OTUD5: variants seen among roughly 807,000 people sequenced by gnomAD.
OTUD5 encodes OTU domain-containing protein 5.
Under a neutral mutation model 36.3 loss-of-function variants are expected in OTUD5, and 2 were observed. The ratio of observed to expected loss-of-function variants is 0.06; its 90% CI spans 0.02 to 0.17. The LOEUF (loss-of-function observed/expected upper bound fraction) is 0.17. Ranked by LOEUF, OTUD5 falls within the 10% of genes least tolerant of loss-of-function variation. The pLI is 1.00. For synonymous variants in OTUD5, 234 were observed against 214.9 expected (o/e 1.09, Z -0.78); for missense variants, 233 against 512.3 (o/e 0.45, Z 5.26).
At chrX:48,947,705 AG>A (rs2064056057) in intron 1 of OTUD5, among the ~76,000 whole-genome samples, 1 of 107,790 alleles carries the variant, frequency 9.3e-6, no homozygotes, top group Non-Finnish European at 1.9e-5. Flanking sequence ...CTCTGTCTCA[AG>A]GAAAAAAAAA....
At chrX:48,929,716 T>C (rs1216181419) in intron 5 of OTUD5, among the ~76,000 whole-genome samples, 6 of 110,651 alleles carry the variant, frequency 5.4e-5, no homozygotes, top group Non-Finnish European at 1.1e-4. Flanking sequence ...AGTGAGACTC[T>C]GTCTCAAAAA....
intron 2 of OTUD5, among the ~76,000 whole-genome samples, chrX:48,935,394 G>A (rs1386789306): frequency 9.0e-6 from 1 of 111,515 alleles, no homozygotes; most frequent in Non-Finnish European, 1.9e-5. Context: ...AGGTTCAGGG[G>A]GAGTTTGTGG....
In OTUD5 at chrX:48,922,944, G is replaced by C. The variant is rs1013110648; in HGVS notation, c.*230C>G. Reference sequence around the variant, plus strand: ...TGCAGGGATGGTTCTGTGCGGGATGGGGTGGGGGGCAACAGGGCACATCAG... The same window carrying C: ...TGCAGGGATGGTTCTGTGCGGGATGCGGTGGGGGGCAACAGGGCACATCAG... On this transcript the variant is annotated 3_prime_UTR_variant, in exon 9 of 9. Transcript: ENST00000376488. 9.6e-7 allele frequency: 1 copy of C among 1,046,915 alleles called. No homozygotes were observed. Among genetic ancestry groups the C allele is most frequent in the Non-Finnish European group, 1.2e-6 (1 of 815,049 alleles). The allele number at this position is 1,046,915 out of a possible 1,213,427, so 86.3% of individuals were successfully genotyped here.
chrX:48,957,150 C>T lies in OTUD5; in HGVS notation c.421G>A (p.Gly141Ser), dbSNP rs1557055647. 3.4e-6 allele frequency: 4 copies of T among 1,159,854 alleles called. No individual in the cohort carries two copies. In the East Asian group the frequency reaches 1.3e-4, roughly 38 times the overall value. Residue 141 changes from glycine to serine, a missense_variant, in exon 1 of 9, where the codon GGC becomes AGC. By Grantham distance (56) the Gly-to-Ser change is moderately conservative (BLOSUM62 0). Transcript: ENST00000376488. ...VGVGGAVGVG[G>S]CCSGPGHSKR... ...CTGTGCCCAGGCCCGGAGCAGCAGC[C>T]GCCCACGCCTACGGCACCACCCACA...
At chrX:48,948,402 G>A (rs983541371) in intron 1 of OTUD5, among the ~76,000 whole-genome samples, 3 of 112,199 alleles carry the variant, frequency 2.7e-5, no homozygotes, top group Non-Finnish European at 5.6e-5. Flanking sequence ...AAGGCAGAAA[G>A]AGAAAGGAGC....
intron 2 of OTUD5, among the ~76,000 whole-genome samples, chrX:48,941,045 G>A (rs1329774027): frequency 9.0e-6 from 1 of 111,469 alleles, no homozygotes; most frequent in Non-Finnish European, 1.9e-5. Flanking sequence ...CCTACTTGGA[G>A]GAGGTAAGGT....
At position 48,944,194 on chromosome X, in the gene OTUD5, A is replaced by T. The variant is rs782463846; in HGVS notation, c.684T>A (p.Ala228=). 1 of 1,195,444 alleles carries T rather than the reference A, an allele frequency of 8.4e-7. No individual in the cohort carries two copies. The highest frequency in any genetic ancestry group is 1.8e-5 in the South Asian group (1 of 56,330). ...MKEDGACLFR[A]VADQVYGDQD... The stretch of plus-strand genomic sequence containing the variant: ...AGGACTAAGGCAGAGACTCACCTAC[A>T]GCCCGGAAGAGACAGGCGCCATCCT... Residue 228 remains alanine, a synonymous_variant, in exon 2 of 9, where the codon GCT becomes GCA. Coordinates refer to ENST00000376488, the MANE Select transcript of OTUD5 (RefSeq NM_001136157.2).
chrX:48,926,758 T>A (rs2063672723), intron 5 of OTUD5, among the ~76,000 whole-genome samples: 1 of 110,725 alleles, frequency 9.0e-6, no homozygotes, highest in South Asian at 3.8e-4. Flanking sequence ...TAGCTATGTG[T>A]GCACCGGGTG....
intron 1 of OTUD5, among the ~76,000 whole-genome samples, chrX:48,954,077 G>C (rs782795877): frequency 1.8e-5 from 2 of 110,856 alleles, no homozygotes; most frequent in African/African-American, 3.3e-5. Context: ...AGCCTCTCCT[G>C]TCATTGGGAA....
At chrX:48,934,076 G>C (rs1159546516) in intron 5 of OTUD5, among the ~76,000 whole-genome samples, 3 of 111,862 alleles carry the variant, frequency 2.7e-5, no homozygotes, top group Non-Finnish European at 5.6e-5. Context: ...CACACAGCCA[G>C]TGAGTGGTGG....
chrX:48,948,083 C>T (rs782134367), intron 1 of OTUD5, among the ~76,000 whole-genome samples: 1 of 113,034 alleles, frequency 8.8e-6, no homozygotes, highest in African/African-American at 3.2e-5. Flanking sequence ...CACGGTGGCT[C>T]ACGCCTGTAA....
Position 48,957,165 on chromosome X carries a change from C to A in OTUD5, c.406G>T (p.Ala136Ser), listed in dbSNP as rs1557055672. Residue 136 changes from alanine (A) to serine (S), a missense_variant, in exon 1 of 9, where the codon GCC (alanine) becomes TCC (serine). Physicochemically the swap from Ala to Ser is moderately conservative, Grantham distance 99. Transcript: ENST00000376488. The part of the protein sequence containing the change: ...AAGVVVGVGG[A>S]VGVGGCCSGP... ...GAGCAGCAGCCGCCCACGCCTACGGCACCACCCACACCCACCACCACGCCC... is the reference window on the plus strand; with the variant it reads ...GAGCAGCAGCCGCCCACGCCTACGGAACCACCCACACCCACCACCACGCCC... 8.7e-7 allele frequency: 1 copy of A among 1,144,048 alleles called. No individual in the cohort carries two copies. The highest frequency in any genetic ancestry group is 1.2e-6 in the Non-Finnish European group (1 of 868,525). The allele number at this position is 1,144,048 out of a possible 1,213,427, so 94.3% of individuals were successfully genotyped here.
rs1324918203 is a variant in OTUD5 at position 48,922,335 on chromosome X, T to C, written c.*839A>G. ...ACACTCCCTACACTCAAATCCCGGG[T>C]GGCAGCCATAATCCCCAAAGATGAC... On this transcript the variant is annotated 3_prime_UTR_variant, in exon 9 of 9. Transcript: ENST00000376488. 7.6e-6 allele frequency: 1 copy of C among 132,341 alleles called. No individual in the cohort carries two copies. Among genetic ancestry groups the C allele is most frequent in the Non-Finnish European group, 1.4e-5 (1 of 72,073 alleles). 10.9% of individuals were successfully genotyped at this position (132,341 alleles called of 1,213,427 possible). A position where few individuals can be genotyped will look rare whatever the true frequency, so the allele number is the denominator to read the frequency against.
At chrX:48,931,424 A>G (rs920890817) in intron 5 of OTUD5, among the ~76,000 whole-genome samples, 4 of 112,686 alleles carry the variant, frequency 3.5e-5, no homozygotes, top group Admixed American at 1.9e-4. Context: ...GGTCATCAAA[A>G]CAAAACTGAG....
Position 48,957,423 on chromosome X carries a change from G to T in OTUD5, c.148C>A (p.Arg50Ser). 9.4e-7 allele frequency: 1 copy of T among 1,066,175 alleles called. No individual in the cohort carries two copies. Among genetic ancestry groups the T allele is most frequent in the Non-Finnish European group, 1.2e-6 (1 of 828,233 alleles). The allele number at this position is 1,066,175 out of a possible 1,213,427, so 87.9% of individuals were successfully genotyped here. A position where few individuals can be genotyped will look rare whatever the true frequency, so the allele number is the denominator to read the frequency against. ...GGGTGVGGGD[R>S]DRDSGVVGAR... ...CCCACGACGCCGGAGTCACGGTCGC[G>T]ATCGCCGCCGCCCACGCCCGTGCCG... The change falls in exon 1 of 9, where the codon CGC becomes AGC. Residue 50 changes from arginine to serine, a missense_variant. Physicochemically the swap from Arg to Ser is moderately radical, Grantham distance 110. Coordinates refer to ENST00000376488, the MANE Select transcript of OTUD5 (RefSeq NM_001136157.2).
At chrX:48,939,791 T>C (rs979110341) in intron 2 of OTUD5, among the ~76,000 whole-genome samples, 2 of 112,256 alleles carry the variant, frequency 1.8e-5, no homozygotes, top group Admixed American at 9.4e-5. Context: ...CCCAGATTTA[T>C]GTTAAGAAGC....
At chrX:48,951,569 C>G (rs1467422086) in intron 1 of OTUD5, among the ~76,000 whole-genome samples, 1 of 109,356 alleles carries the variant, frequency 9.1e-6, no homozygotes, top group East Asian at 2.9e-4. Flanking sequence ...GAGCCAAGAT[C>G]GCGCCACTAC....
chrX:48,940,617 G>T (rs2063903965), intron 2 of OTUD5: 1 of 112,095 alleles, frequency 8.9e-6, no homozygotes, highest in Non-Finnish European at 1.9e-5. Flanking sequence ...TCTGCCCACA[G>T]AAGCTAGCAC....
At chrX:48,957,743 C>T (rs1477508837), upstream of OTUD5, 6 of 773,666 alleles carry the variant, frequency 7.8e-6, no homozygotes, top group African/African-American at 4.8e-5. Flanking sequence ...GCGGCGGCGG[C>T]GGCGGCGGTG....
Sources: gnomAD v4.1 joint callset for allele counts (sites outside exome capture counted in the v4.1 genomes callset) on GRCh38, gnomAD v4.1.1 for gene constraint, MANE v1.5 for transcripts, NCBI Gene and HGNC (gene_info 2026-07-23, HGNC 2026-07-21) for gene names.